CARD9: variants seen among roughly 807,000 people sequenced by gnomAD.
CARD9 encodes the protein caspase recruitment domain family member 9.
Under a neutral mutation model 66.0 loss-of-function variants are expected in CARD9, and 53 were observed. The observed-to-expected ratio is 0.80, with a 90% CI of 0.64 to 1.01. The LOEUF (loss-of-function observed/expected upper bound fraction) is 1.01. CARD9 is among the 50% of genes least tolerant of loss of function. CARD9 has a pLI of 0.00. For synonymous variants in CARD9, 387 were observed against 313.8 expected, an observed-to-expected ratio of 1.23 and a Z score of -2.47; for missense variants, 769 against 743.2, an observed-to-expected ratio of 1.03 and a Z score of -0.40.
intron 9 of CARD9, 68 bp from the exon 10 acceptor site, chr9:136,366,913 A>AC: frequency 6.4e-7 from 1 of 1,567,724 alleles, no homozygotes; most frequent in Non-Finnish European, 8.8e-7. Flanking sequence ...CACACTGCCC[A>AC]CCCCAGCCCT....
At chr9:136,370,744 G>GACCGCAGACCCGTGGGGCC (rs756885929) in intron 4 of CARD9, 43 bp from the exon 5 acceptor site, 2 of 1,611,824 alleles carry the variant, frequency 1.2e-6, no homozygotes, top group Admixed American at 3.3e-5. Context: ...TCCAGGCGGT[G>GACCGCAGACCCGTGGGGCC]ACCGCAGACC....
rs993171059 is a variant in CARD9, at chr9:136,365,582, G to C, written c.1358-365C>G. On this transcript the variant is annotated intron_variant, in intron 10 of 12. Transcript: ENST00000371732. ...CTCCAAAGCATCTGTGGGCATGGCG[G>C]CCCTGGGGAGAGAGTTGGGGACAGC... 21 of 305,046 alleles carry C rather than the reference G, an allele frequency of 6.9e-5. No homozygotes were observed. The Admixed American group carries it at 7.6e-4, about 11-fold the overall frequency. The allele number at this position is 305,046 out of a possible 1,614,324, so 18.9% of individuals were successfully genotyped here. A position where few individuals can be genotyped will look rare whatever the true frequency, so the allele number is the denominator to read the frequency against.
At chr9:136,370,093 A>T (rs767391822) in intron 6 of CARD9, 6 of 1,391,912 alleles carry the variant, frequency 4.3e-6, no homozygotes, top group Middle Eastern at 5.1e-4. Context: ...CTCAGGCACC[A>T]TGAGCCCAGA....
In CARD9 at chr9:136,369,952, G is replaced by A. The variant is rs1026550571; in HGVS notation, c.952-77C>T. ...CCCTTGGGGTATACTCCGGGCAGGG[G>A]CTCAGAAGCATGTGGTCAGGCCAGT... On this transcript the variant is annotated intron_variant, in intron 6 of 12. Coordinates refer to ENST00000371732, the MANE Select transcript of CARD9 (RefSeq NM_052813.5). 19 of 1,594,324 alleles carry A rather than the reference G, an allele frequency of 1.2e-5. No homozygotes were observed. In the East Asian group the frequency reaches 4.3e-4, roughly 36 times the overall value.
chr9:136,364,017 CATGT>C lies in CARD9; in HGVS notation c.*281_*284del. The C allele has an allele frequency of 7.3e-7, 1 of 1,362,540 alleles. No homozygotes were observed. Among genetic ancestry groups the C allele is most frequent in the Non-Finnish European group, 1.0e-6 (1 of 975,584 alleles). 84.4% of individuals were successfully genotyped at this position (1,362,540 alleles called of 1,614,324 possible). ...TTTTCTAACACTAATACAATGCATG[CATGT>C]ATTGTGTGTTACATGGTGAAACAGA... is the stretch of plus-strand genomic sequence containing the variant. On this transcript the variant is annotated 3_prime_UTR_variant, in exon 13 of 13. Transcript: ENST00000371732.
rs371942000 is a variant in CARD9, at chr9:136,369,830, G to A, written c.997C>T (p.Arg333Cys). The change falls in exon 7 of 13, where the codon CGT (arginine) becomes TGT (cysteine). Residue 333 changes from arginine to cysteine, a missense_variant. Physicochemically the swap from Arg to Cys is radical, Grantham distance 180. Coordinates refer to ENST00000371732, the MANE Select transcript of CARD9 (RefSeq NM_052813.5). ...EMFELQCLALRKDSKMYKDRI... is the reference protein window; with the variant it reads ...EMFELQCLALCKDSKMYKDRI... ...TCCTTGTACATCTTGGAGTCCTTAC[G>A]TAGTGCCAGGCACTGCAGCTCGAAC... 7 of 1,612,926 alleles carry A rather than the reference G, an allele frequency of 4.3e-6. No individual in the cohort carries two copies. The Admixed American group carries it at 5.0e-5, about 12-fold the overall frequency.
rs758002574 is a variant in CARD9, at chr9:136,364,484, TGCG to T, written c.1507_1509del (p.Arg504del). On this transcript the variant is annotated inframe_deletion and splice_region_variant, in exon 12 of 13. Transcript: ENST00000371732. ...GAAGCCTGGGGGCCGCCCGCCTACC[TGCG>T]GTAGTTCTCAAAACTCTCTTTGAGG... The T allele has an allele frequency of 6.5e-7, 1 of 1,540,040 alleles. No individual in the cohort carries two copies. Among genetic ancestry groups the T allele is most frequent in the Non-Finnish European group, 8.7e-7 (1 of 1,146,842 alleles).
intron 7 of CARD9, among the ~76,000 whole-genome samples, chr9:136,368,395 AT>A (rs913015335): frequency 4.9e-4 from 74 of 152,032 alleles, no homozygotes; most frequent in African/African-American, 1.8e-3. Context: ...ACCAACCCCC[AT>A]GGGGGCACAG....
chr9:136,366,428 G>A (rs920333325), intron 10 of CARD9: 57 of 317,972 alleles, frequency 1.8e-4, no homozygotes, highest in Non-Finnish European at 1.7e-4. Flanking sequence ...TGTCCAGGAG[G>A]AAGCTTGGAG....
chr9:136,369,280 G>C (rs569544848), intron 7 of CARD9, among the ~76,000 whole-genome samples: 1 of 152,124 alleles, frequency 6.6e-6, no homozygotes, highest in Non-Finnish European at 1.5e-5. Context: ...ATTAAAAAAA[G>C]CTACTGGTAA....
In CARD9 at chr9:136,369,873, G is replaced by A; in HGVS notation, c.954C>T (p.Cys318=). 2 of 1,612,012 alleles carry A rather than the reference G, an allele frequency of 1.2e-6. No individual in the cohort carries two copies. Among genetic ancestry groups the A allele is most frequent in the Middle Eastern group, 1.6e-4 (1 of 6,062 alleles). Residue 318 remains cysteine, a splice_region_variant and synonymous_variant, in exon 7 of 13, where the codon TGC becomes TGT. Coordinates refer to ENST00000371732, the MANE Select transcript of CARD9 (RefSeq NM_052813.5). The part of the protein sequence containing the change: ...LRQGEARRLR[C]MEEKEMFELQ... The stretch of plus-strand genomic sequence containing the variant: ...GCTCGAACATCTCCTTCTCCTCCAT[G>A]CACTGCAGGGGGCGGCAGCTCAGCC...
Position 136,367,817 on chromosome 9 carries a change from C to T in CARD9, c.1089G>A (p.Thr363=), listed in dbSNP as rs1217807819. The change falls in exon 8 of 13, where the codon ACG becomes ACA. Residue 363 remains threonine (T), a synonymous_variant. Coordinates refer to ENST00000371732, the MANE Select transcript of CARD9 (RefSeq NM_052813.5). The stretch of plus-strand genomic sequence containing the variant: ...CGTGCTGTGCGTGCAGCTCCTCCCG[C>T]GTGGCTATGGCCTGACGGGACAGCA... ...VAIERDQAIA[T]REELHAQHAR... 44 of 1,600,286 alleles carry T rather than the reference C, an allele frequency of 2.7e-5. No individual in the cohort carries two copies. The highest frequency in any genetic ancestry group is 5.3e-5 in the African/African-American group (4 of 74,888).
chr9:136,369,039 C>G (rs57555162), intron 7 of CARD9, among the ~76,000 whole-genome samples: 1,552 of 152,274 alleles, frequency 0.01, 18 homozygotes, highest in African/African-American at 0.035. Context: ...AGGCTGGTCT[C>G]GAACTCCTGA....
intron 1 of CARD9, 68 bp from the exon 2 acceptor site, chr9:136,372,162 CCTT>C (rs1269725651): frequency 7.0e-6 from 11 of 1,576,842 alleles, no homozygotes; most frequent in South Asian, 2.3e-5. Flanking sequence ...AGCTCCCACT[CCTT>C]CTCAGACGCT....
In CARD9 at chr9:136,364,232, C is replaced by G; in HGVS notation, c.*70G>C. On this transcript the variant is annotated 3_prime_UTR_variant, in exon 13 of 13. Coordinates refer to ENST00000371732, the MANE Select transcript of CARD9 (RefSeq NM_052813.5). ...GCTCGGGGAAGTCTGCGCCCCAGGG[C>G]GTCGGCACCCCCGGGTGGCAGGAGG... 1 of 1,550,446 alleles carries G rather than the reference C, an allele frequency of 6.4e-7. No homozygotes were observed. The highest frequency in any genetic ancestry group is 1.7e-4 in the Middle Eastern group (1 of 5,990).
In CARD9 at chr9:136,373,597, G is replaced by C. The variant is rs78291627; in HGVS notation, c.-82C>G. ...AGGAGCCTGGGCCGCGGAGCCTCTG[G>C]GAGATGCTGCCCGGGGCTGCAGGGA... On this transcript the variant is annotated 5_prime_UTR_variant, in exon 1 of 13. Transcript: ENST00000371732. 9.5e-5 allele frequency: 94 copies of C among 985,892 alleles called. 1 individual carries two copies. In the East Asian group the frequency reaches 5.8e-3, roughly 61 times the overall value. 61.1% of individuals were successfully genotyped at this position (985,892 alleles called of 1,614,324 possible).
chr9:136,373,636 C>G lies in CARD9; in HGVS notation c.-121G>C, dbSNP rs558867176. The stretch of plus-strand genomic sequence containing the variant: ...GGGCTGCAGGGAGGGAGGAGCACGC[C>G]GGACGCCTGTGCACTTCCTGATGGG... On this transcript the variant is annotated 5_prime_UTR_variant, in exon 1 of 13. Coordinates refer to ENST00000371732, the MANE Select transcript of CARD9 (RefSeq NM_052813.5). The G allele has an allele frequency of 2.3e-5, 22 of 949,938 alleles. No individual in the cohort carries two copies. Among genetic ancestry groups the G allele is most frequent in the Non-Finnish European group, 2.6e-5 (21 of 797,590 alleles). The allele number at this position is 949,938 out of a possible 1,614,324, so 58.8% of individuals were successfully genotyped here. A position where few individuals can be genotyped will look rare whatever the true frequency, so the allele number is the denominator to read the frequency against.
Position 136,364,324 on chromosome 9 carries a change from T to G in CARD9, c.1589A>C (p.Asn530Thr). The part of the protein sequence containing the change: ...EDRENTTGSD[N>T]TDTEGS ...CGGCTAGGAGCCCTCAGTGTCGGTG[T>G]TGTCGCTGCCCGTGGTGTTCTCCCG... is the stretch of plus-strand genomic sequence containing the variant. Residue 530 changes from asparagine (N) to threonine (T), a missense_variant, in exon 13 of 13, where the codon AAC (asparagine) becomes ACC (threonine). By Grantham distance (65) the Asn-to-Thr change is moderately conservative. Coordinates refer to ENST00000371732, the MANE Select transcript of CARD9 (RefSeq NM_052813.5). 1.3e-6 allele frequency: 2 copies of G among 1,563,622 alleles called. No individual in the cohort carries two copies. Among genetic ancestry groups the G allele is most frequent in the Non-Finnish European group, 1.7e-6 (2 of 1,154,866 alleles).
Position 136,364,033 on chromosome 9 carries a change from C to A in CARD9, c.*269G>T, listed in dbSNP as rs111473929. On this transcript the variant is annotated 3_prime_UTR_variant, in exon 13 of 13. Transcript: ENST00000371732. Reference sequence around the variant, plus strand: ...CAATGCATGCATGTATTGTGTGTTACATGGTGAAACAGAACAGATCCTGAA... The same window carrying A: ...CAATGCATGCATGTATTGTGTGTTAAATGGTGAAACAGAACAGATCCTGAA... The A allele has an allele frequency of 1.4e-6, 2 of 1,479,364 alleles. No homozygotes were observed. Among genetic ancestry groups the A allele is most frequent in the African/African-American group, 1.4e-5 (1 of 71,674 alleles). 91.6% of individuals were successfully genotyped at this position (1,479,364 alleles called of 1,614,324 possible).
Sources: allele counts gnomAD v4.1 joint callset (sites outside exome capture counted in the v4.1 genomes callset), GRCh38; gene constraint gnomAD v4.1.1; transcripts MANE v1.5; gene names NCBI Gene and HGNC (gene_info 2026-07-23, HGNC 2026-07-21).